Variants in RNF220 observed in about 807,000 individuals in gnomAD.
RNF220 encodes the protein E3 ubiquitin-protein ligase RNF220.
Under a neutral mutation model 67.1 loss-of-function variants are expected in RNF220, and 7 were observed. The ratio of observed to expected loss-of-function variants is 0.10; its 90% CI spans 0.06 to 0.20. The LOEUF (loss-of-function observed/expected upper bound fraction) is 0.20, where lower values mean the gene tolerates loss of function less well. Ranked by LOEUF, RNF220 falls within the 10% of genes least tolerant of loss-of-function variation. The probability of loss-of-function intolerance (pLI) is 1.00; values close to 1 mark genes in which losing one functional copy is unlikely to be tolerated. For missense variants in RNF220, 565 were observed against 740.3 expected (o/e 0.76, Z 2.75); for synonymous variants, 270 against 283.2 (o/e 0.95, Z 0.47).
chr1:44,574,591 C>T (rs1056520341), intron 2 of RNF220, among the ~76,000 whole-genome samples: 1 of 152,206 alleles, frequency 6.6e-6, no homozygotes, highest in Non-Finnish European at 1.5e-5. Context: ...CCTGGCCCTT[C>T]AGTGCTATTT....
chr1:44,483,272 C>T (rs1656000093), intron 2 of RNF220, among the ~76,000 whole-genome samples: 1 of 152,098 alleles, frequency 6.6e-6, no homozygotes, highest in Non-Finnish European at 1.5e-5. Context: ...GGATGAGTTC[C>T]ATCCCTTTGC....
At chr1:44,433,326 T>C (rs4448554) in intron 2 of RNF220, among the ~76,000 whole-genome samples, 110,143 of 152,084 alleles carry the variant, frequency 0.72, 40,015 homozygotes, top group East Asian at 0.81. Flanking sequence ...CCCCTGACAT[T>C]GGCAAATTCA....
At chr1:44,639,795 A>AT (rs1182340392) in intron 8 of RNF220, among the ~76,000 whole-genome samples, 1 of 151,944 alleles carries the variant, frequency 6.6e-6, no homozygotes, top group Non-Finnish European at 1.5e-5. Flanking sequence ...TTATTTATTT[A>AT]TTTTTGAGAC....
chr1:44,534,787 T>TCAAA (rs1165114554), intron 2 of RNF220, among the ~76,000 whole-genome samples: 1 of 152,190 alleles, frequency 6.6e-6, no homozygotes, highest in Non-Finnish European at 1.5e-5. Context: ...CTGTGATACA[T>TCAAA]CAAAGCACAC....
At chr1:44,521,227 G>A (rs912540997) in intron 2 of RNF220, among the ~76,000 whole-genome samples, 1 of 152,122 alleles carries the variant, frequency 6.6e-6, no homozygotes, top group East Asian at 1.9e-4. Context: ...CCTGCACCTG[G>A]ATCTAAAACT....
chr1:44,486,574 C>T (rs1656325292), intron 2 of RNF220, among the ~76,000 whole-genome samples: 1 of 152,252 alleles, frequency 6.6e-6, no homozygotes, highest in East Asian at 1.9e-4. Flanking sequence ...GGTTTTTTAT[C>T]AAAATGGTTG....
At chr1:44,480,702 A>G (rs922411403) in intron 2 of RNF220, among the ~76,000 whole-genome samples, 1 of 152,040 alleles carries the variant, frequency 6.6e-6, no homozygotes, top group Non-Finnish European at 1.5e-5. Context: ...CCTGGCCAAC[A>G]TGGTGAAACC....
intron 2 of RNF220, among the ~76,000 whole-genome samples, chr1:44,502,185 TACACGCTCAC>T (rs1227009342): frequency 2.1e-5 from 3 of 139,650 alleles, no homozygotes; most frequent in African/African-American, 8.0e-5. Context: ...ACACACACCA[TACACGCTCAC>T]ACACACACAT....
chr1:44,437,755 C>G (rs1243554726), intron 2 of RNF220, among the ~76,000 whole-genome samples: 1 of 152,212 alleles, frequency 6.6e-6, no homozygotes, highest in Non-Finnish European at 1.5e-5. Flanking sequence ...CAGACAGTAG[C>G]TGTCATGATC....
rs143435037 is a variant in RNF220, at chr1:44,492,185, C to T, written c.625+79463C>T. 3.0e-3 allele frequency among the ~76,000 whole-genome samples: 456 copies of T among 152,300 alleles called. 2 individuals are homozygous for T. Among genetic ancestry groups the T allele is most frequent in the African/African-American group, 0.01 (433 of 41,542 alleles). On this transcript the variant is annotated intron_variant, in intron 2 of 14. Transcript: ENST00000361799. ...AAAAATATTCAATATCTTTAGTCAT[C>T]AGGGAAATGCAAATCAAATCCACAA...
chr1:44,493,022 A>C (rs1189400442), intron 2 of RNF220, among the ~76,000 whole-genome samples: 1 of 151,912 alleles, frequency 6.6e-6, no homozygotes, highest in East Asian at 1.9e-4. Flanking sequence ...CTTCCTGAGT[A>C]GCTGGGACTA....
At chr1:44,447,674 A>G (rs1652243038) in intron 2 of RNF220, among the ~76,000 whole-genome samples, 3 of 152,220 alleles carry the variant, frequency 2.0e-5, no homozygotes. Flanking sequence ...CATTTTATGC[A>G]TTATCTCATT....
intron 8 of RNF220, chr1:44,636,517 T>A (rs1644336532): frequency 1.4e-6 from 1 of 702,060 alleles, no homozygotes; most frequent in Middle Eastern, 2.4e-4. Flanking sequence ...TTAAGGCTGA[T>A]AAATGAGAAT....
chr1:44,644,351 T>G (rs1644573939), intron 8 of RNF220: 6 of 219,936 alleles, frequency 2.7e-5, no homozygotes, highest in South Asian at 2.2e-4. Flanking sequence ...TTCCTAGACC[T>G]GAATTTTTCT....
At chr1:44,545,210 G>C (rs1336090248) in intron 2 of RNF220, among the ~76,000 whole-genome samples, 1 of 152,220 alleles carries the variant, frequency 6.6e-6, no homozygotes, top group East Asian at 1.9e-4. Context: ...AAGGGAACTC[G>C]GAGATGTGCA....
chr1:44,519,573 G>C (rs551224912), intron 2 of RNF220, among the ~76,000 whole-genome samples: 99 of 152,302 alleles, frequency 6.5e-4, no homozygotes, highest in African/African-American at 2.4e-3. Flanking sequence ...AAGCCCAGCA[G>C]CAAAAGAAAG....
chr1:44,503,026 T>C (rs1000240304), intron 2 of RNF220, among the ~76,000 whole-genome samples: 8 of 152,054 alleles, frequency 5.3e-5, no homozygotes, highest in Admixed American at 3.3e-4. Flanking sequence ...ACTTTAATGT[T>C]GGGTGCATTT....
intron 2 of RNF220, among the ~76,000 whole-genome samples, chr1:44,583,538 A>G (rs1431813541): frequency 6.6e-6 from 1 of 152,250 alleles, no homozygotes; most frequent in Non-Finnish European, 1.5e-5. Context: ...CATACCATGT[A>G]GTCACACTGG....
chr1:44,636,406 G>A (rs1224364623), intron 8 of RNF220: 1 of 723,718 alleles, frequency 1.4e-6, no homozygotes. Context: ...ACGAAGGGGG[G>A]CTCTCAGCTT....
Sources: gnomAD v4.1 joint callset for allele counts (sites outside exome capture counted in the v4.1 genomes callset) on GRCh38, gnomAD v4.1.1 for gene constraint, MANE v1.5 for transcripts, NCBI Gene and HGNC (gene_info 2026-07-23, HGNC 2026-07-21) for gene names.